Variants in ARHGEF3 observed in about 807,000 individuals in gnomAD.
ARHGEF3 encodes the protein Rho guanine nucleotide exchange factor 3, also known as 59.8 kDA protein.
Under a neutral mutation model 63.2 loss-of-function variants are expected in ARHGEF3, and 28 were observed. The observed-to-expected ratio is 0.44, with a 90% CI of 0.33 to 0.61. The LOEUF is 0.61. Among genes scored for constraint, ARHGEF3 ranks in the 20% least tolerant of loss-of-function variants. The pLI, the probability that ARHGEF3 is intolerant of heterozygous loss-of-function variation, is 0.03. For synonymous variants in ARHGEF3, 266 were observed against 254.2 expected (o/e 1.05, Z -0.44); for missense variants, 533 against 659.3 (o/e 0.81, Z 2.10).
intron 2 of ARHGEF3, among the ~76,000 whole-genome samples, chr3:56,763,837 A>G (rs2035558043): frequency 6.6e-6 from 1 of 152,074 alleles, no homozygotes. Flanking sequence ...AGCCTCACAA[A>G]GTGATGGAAT....
At position 56,746,134 on chromosome 3, in the gene ARHGEF3, G is replaced by A. The variant is rs2034370990; in HGVS notation, c.613-672C>T. Among the ~76,000 whole-genome samples the A allele has an allele frequency of 2.0e-5, 3 of 152,186 alleles. No homozygotes were observed. The East Asian group carries it at 5.8e-4, about 29-fold the overall frequency. On this transcript the variant is annotated intron_variant, in intron 6 of 9. Coordinates refer to ENST00000296315, the MANE Select transcript of ARHGEF3 (RefSeq NM_019555.3). The stretch of plus-strand genomic sequence containing the variant: ...TCTCATCCACTTTTTCTGCCTTGGT[G>A]TTCTAATCTAAGAGCTATCAGCCTC...
intron 2 of ARHGEF3, among the ~76,000 whole-genome samples, chr3:56,979,821 T>A (rs1209275638): frequency 6.6e-6 from 1 of 152,228 alleles, no homozygotes; most frequent in Non-Finnish European, 1.5e-5. Context: ...GGTTTGGTTG[T>A]TATGAGAGTT....
At chr3:57,044,577 G>T (rs1043421151) in intron 1 of ARHGEF3, among the ~76,000 whole-genome samples, 2 of 152,228 alleles carry the variant, frequency 1.3e-5, no homozygotes, top group African/African-American at 4.8e-5. Flanking sequence ...TTTGGTGCTT[G>T]CTGCCCCTGT....
chr3:56,836,098 A>T (rs1578639083), intron 4 of ARHGEF3, among the ~76,000 whole-genome samples: 1 of 152,378 alleles, frequency 6.6e-6, no homozygotes, highest in Non-Finnish European at 1.5e-5. Context: ...AAGCTGCCTT[A>T]TCACTCCTGG....
At chr3:56,863,531 C>T (rs911967971) in intron 4 of ARHGEF3, among the ~76,000 whole-genome samples, 6 of 152,028 alleles carry the variant, frequency 3.9e-5, no homozygotes, top group Non-Finnish European at 7.4e-5. Flanking sequence ...AACTCATGAC[C>T]TCAAGCAATC....
intron 1 of ARHGEF3, among the ~76,000 whole-genome samples, chr3:57,058,047 G>C (rs1405596285): frequency 6.6e-6 from 1 of 152,162 alleles, no homozygotes; most frequent in Admixed American, 6.5e-5. Flanking sequence ...TAACCCTTCA[G>C]TCGTGTCCTT....
chr3:56,960,200 T>C (rs1700220220), intron 2 of ARHGEF3, among the ~76,000 whole-genome samples: 1 of 152,194 alleles, frequency 6.6e-6, no homozygotes, highest in Non-Finnish European at 1.5e-5. Context: ...CTGAGCACTT[T>C]AAAAAGCATA....
At chr3:56,795,557 G>A (rs1369115251) in intron 1 of ARHGEF3, among the ~76,000 whole-genome samples, 1 of 151,984 alleles carries the variant, frequency 6.6e-6, no homozygotes, top group Non-Finnish European at 1.5e-5. Flanking sequence ...AGAAAGTCCG[G>A]GCACAAGTGT....
At chr3:56,729,700 A>G in intron 9 of ARHGEF3, 78 bp from the exon 10 acceptor site, 2 of 1,202,494 alleles carry the variant, frequency 1.7e-6, no homozygotes, top group South Asian at 1.5e-5. Flanking sequence ...ACGTAGTGAC[A>G]CTAAACCCCA....
At chr3:56,779,044 A>G (rs2036418112) in intron 1 of ARHGEF3, among the ~76,000 whole-genome samples, 1 of 151,636 alleles carries the variant, frequency 6.6e-6, no homozygotes, top group Non-Finnish European at 1.5e-5. Context: ...CAGGCACTGC[A>G]CTCTCCCACA....
At position 57,039,063 on chromosome 3, in the gene ARHGEF3, C is replaced by A. The variant is rs576300813; in HGVS notation, c.-27-3887G>T. Among the ~76,000 whole-genome samples, 4 of 152,122 alleles carry A rather than the reference C, an allele frequency of 2.6e-5. No homozygotes were observed. In the East Asian group the frequency reaches 5.8e-4, roughly 22 times the overall value. ...TTCTGACTCTTCAGATGGAAAGTTT[C>A]GTGTTAATCTAAAGTTCATCAGTAT... is the stretch of plus-strand genomic sequence containing the variant. On this transcript the variant is annotated intron_variant, in intron 1 of 12. Transcript: ENST00000338458.
intron 4 of ARHGEF3, among the ~76,000 whole-genome samples, chr3:56,850,947 A>C (rs556165377): frequency 2.0e-5 from 3 of 152,360 alleles, no homozygotes; most frequent in South Asian, 4.1e-4. Flanking sequence ...GAAGAGGTCA[A>C]GTCACTTGAT....
chr3:56,872,465 C>T (rs1197359678), intron 4 of ARHGEF3, among the ~76,000 whole-genome samples: 1 of 151,852 alleles, frequency 6.6e-6, no homozygotes, highest in African/African-American at 2.4e-5. Context: ...TTTTAGCTAT[C>T]ATAAACAATG....
At chr3:57,002,672 C>T (rs1023732544) in intron 2 of ARHGEF3, among the ~76,000 whole-genome samples, 2 of 148,412 alleles carry the variant, frequency 1.3e-5, no homozygotes, top group Non-Finnish European at 3.0e-5. Context: ...GGGTTTGTCA[C>T]ACACATTATT....
At chr3:56,965,672 G>T (rs1214199504) in intron 2 of ARHGEF3, among the ~76,000 whole-genome samples, 3 of 137,042 alleles carry the variant, frequency 2.2e-5, no homozygotes, top group African/African-American at 8.4e-5. Context: ...TTTTTGAAAC[G>T]GAGTCTCGCT....
intron 3 of ARHGEF3, among the ~76,000 whole-genome samples, chr3:56,901,368 G>GTATGTATTTGTA (rs1342508824): frequency 6.8e-6 from 1 of 147,876 alleles, no homozygotes; most frequent in Non-Finnish European, 1.5e-5. Flanking sequence ...GAGTGGCAAA[G>GTATGTATTTGTA]TATGTATATG....
intron 1 of ARHGEF3, among the ~76,000 whole-genome samples, chr3:57,055,209 T>C (rs1704868626): frequency 6.7e-6 from 1 of 148,622 alleles, no homozygotes; most frequent in Non-Finnish European, 1.5e-5. Context: ...TTGCCCAGAC[T>C]GGAGAGCAGT....
At chr3:57,067,454 A>AAATAATAATAATAAT (rs10528636) in intron 1 of ARHGEF3, among the ~76,000 whole-genome samples, 1,895 of 140,428 alleles carry the variant, frequency 0.013, 13 homozygotes, top group East Asian at 0.048. Context: ...CTCTGTCTCA[A>AAATAATAATAATAAT]AATAATAATA....
Position 56,776,944 on chromosome 3 carries a change from A to T in ARHGEF3, c.97-3128T>A, listed in dbSNP as rs188076435. Among the ~76,000 whole-genome samples the T allele has an allele frequency of 1.2e-4, 18 of 152,330 alleles. No individual in the cohort carries two copies. The East Asian group carries it at 3.5e-3, about 29-fold the overall frequency. On this transcript the variant is annotated intron_variant, in intron 1 of 9. Coordinates refer to ENST00000296315, the MANE Select transcript of ARHGEF3 (RefSeq NM_019555.3). ...TTTAAAAAAAAGAAAAGAAAAAAAG[A>T]CACTGAGCATTCTGTATAGACAGTA...
Sources: gnomAD v4.1 joint callset for allele counts (sites outside exome capture counted in the v4.1 genomes callset) on GRCh38, gnomAD v4.1.1 for gene constraint, MANE v1.5 for transcripts, NCBI Gene and HGNC (gene_info 2026-07-23, HGNC 2026-07-21) for gene names.